Variants in THSD7B observed in about 807,000 individuals in gnomAD.
THSD7B encodes the protein thrombospondin type 1 domain containing 7B, also known as thrombospondin type-1 domain-containing protein 7B.
A neutral mutation model predicts 213.6 loss-of-function variants in THSD7B; 138 were observed. The observed-to-expected ratio is 0.65, with a 90% CI of 0.56 to 0.74. The LOEUF (loss-of-function observed/expected upper bound fraction) is 0.74, where lower values mean the gene tolerates loss of function less well. Among genes scored for constraint, THSD7B ranks in the 30% least tolerant of loss-of-function variants. The pLI, the probability that THSD7B is intolerant of heterozygous loss-of-function variation, is 0.00. For synonymous variants in THSD7B, 742 were observed against 687.0 expected, an observed-to-expected ratio of 1.08 and a Z score of -1.25; for missense variants, 1,931 against 1,991.5, an observed-to-expected ratio of 0.97 and a Z score of 0.58.
Position 137,126,769 on chromosome 2 carries a change from A to G in THSD7B, c.1369+11476A>G, listed in dbSNP as rs546705899. ...CAACAAGCCTTCCTTTCTAAGCTTA[A>G]TCATTTCTAGCTTTTGATTTAAAGT... is the stretch of plus-strand genomic sequence containing the variant. On this transcript the variant is annotated intron_variant, in intron 5 of 27. Coordinates refer to ENST00000409968, the MANE Select transcript of THSD7B (RefSeq NM_001316349.2). Among the ~76,000 whole-genome samples the G allele has an allele frequency of 4.6e-5, 7 of 152,302 alleles. No homozygotes were observed. The East Asian group carries it at 1.4e-3, about 29-fold the overall frequency.
At chr2:136,870,144 G>A (rs926819702) in intron 1 of THSD7B, among the ~76,000 whole-genome samples, 1 of 151,952 alleles carries the variant, frequency 6.6e-6, no homozygotes, top group African/African-American at 2.4e-5. Context: ...TGTGTGTTGG[G>A]TAAGATATCA....
At chr2:137,535,882 G>T (rs944462418) in intron 15 of THSD7B, among the ~76,000 whole-genome samples, 1 of 151,438 alleles carries the variant, frequency 6.6e-6, no homozygotes, top group African/African-American at 2.4e-5. Context: ...GGGGGGAACA[G>T]ACTTGGAGAC....
chr2:137,484,327 A>G (rs1179468982), intron 15 of THSD7B, among the ~76,000 whole-genome samples: 1 of 147,598 alleles, frequency 6.8e-6, no homozygotes, highest in African/African-American at 2.5e-5. Context: ...AATTTCATCC[A>G]TGTCCCTACA....
chr2:137,431,241 A>G (rs1001685398), intron 14 of THSD7B, among the ~76,000 whole-genome samples: 2 of 152,182 alleles, frequency 1.3e-5, no homozygotes, highest in Non-Finnish European at 2.9e-5. Context: ...TTTCCAGGCT[A>G]TAGGTAAATT....
At chr2:137,233,813 T>C (rs1048258166) in intron 9 of THSD7B, among the ~76,000 whole-genome samples, 2 of 152,326 alleles carry the variant, frequency 1.3e-5, no homozygotes, top group East Asian at 3.9e-4. Flanking sequence ...GATGTATGTT[T>C]TCCTAAAGTC....
At chr2:136,799,811 G>A (rs1292023918) in intron 1 of THSD7B, among the ~76,000 whole-genome samples, 2 of 151,808 alleles carry the variant, frequency 1.3e-5, no homozygotes, top group East Asian at 1.9e-4. Flanking sequence ...ATTCTTAAAC[G>A]CCCATTCTTA....
chr2:136,894,283 T>C (rs1271463648), intron 2 of THSD7B, among the ~76,000 whole-genome samples: 2 of 152,374 alleles, frequency 1.3e-5, no homozygotes, highest in East Asian at 3.9e-4. Context: ...AGAAACTGTT[T>C]TCAGCTTAAT....
intron 1 of THSD7B, among the ~76,000 whole-genome samples, chr2:136,793,541 C>T (rs1359401790): frequency 6.6e-6 from 1 of 151,854 alleles, no homozygotes. Context: ...TTTGATACAC[C>T]AAAACTCACA....
At chr2:136,985,587 C>T (rs1043750210) in intron 2 of THSD7B, among the ~76,000 whole-genome samples, 2 of 152,202 alleles carry the variant, frequency 1.3e-5, no homozygotes, top group African/African-American at 2.4e-5. Flanking sequence ...GCCCTGGTGC[C>T]CAGGCAGAAA....
chr2:137,587,493 G>A (rs572972182), intron 17 of THSD7B, among the ~76,000 whole-genome samples: 2 of 152,310 alleles, frequency 1.3e-5, no homozygotes, highest in South Asian at 2.1e-4. Context: ...TTTGATGATA[G>A]TGACGTACAG....
At chr2:137,396,472 T>C (rs1438744425) in intron 12 of THSD7B, among the ~76,000 whole-genome samples, 2 of 147,240 alleles carry the variant, frequency 1.4e-5, no homozygotes, top group African/African-American at 5.0e-5. Flanking sequence ...AGTTGAGCGG[T>C]TTTGAGTGAG....
In THSD7B at chr2:136,977,290, T is replaced by A. The variant is rs1190302566; in HGVS notation, c.140-79130T>A. ...CTTCTGTGGGGTCAGTGGTGATACATCCTTTATCATTTTTTATTGTATCTA... is the reference window on the plus strand; with the variant it reads ...CTTCTGTGGGGTCAGTGGTGATACAACCTTTATCATTTTTTATTGTATCTA... On this transcript the variant is annotated intron_variant, in intron 2 of 27. Coordinates refer to ENST00000409968, the MANE Select transcript of THSD7B (RefSeq NM_001316349.2). Among the ~76,000 whole-genome samples, 3 of 152,300 alleles carry A rather than the reference T, an allele frequency of 2.0e-5. No homozygotes were observed. In the South Asian group the frequency reaches 6.2e-4, roughly 32 times the overall value.
chr2:136,887,331 A>G (rs80342011), intron 2 of THSD7B, among the ~76,000 whole-genome samples: 4,928 of 80,136 alleles, frequency 0.061, 144 homozygotes, highest in East Asian at 0.15. Flanking sequence ...TGTGTGTGTG[A>G]CAGGCTTTTA....
chr2:136,827,118 T>C (rs1361070502), intron 1 of THSD7B, among the ~76,000 whole-genome samples: 1 of 152,200 alleles, frequency 6.6e-6, no homozygotes, highest in Non-Finnish European at 1.5e-5. Context: ...ATGGTAACCA[T>C]AGCAAAAAGA....
chr2:137,008,470 A>G (rs924281026), intron 2 of THSD7B, among the ~76,000 whole-genome samples: 3 of 152,208 alleles, frequency 2.0e-5, no homozygotes, highest in African/African-American at 7.2e-5. Flanking sequence ...CCTGTTAGGA[A>G]AATTGAATTT....
At chr2:137,283,173 G>A (rs953090174) in intron 12 of THSD7B, among the ~76,000 whole-genome samples, 12 of 152,104 alleles carry the variant, frequency 7.9e-5, no homozygotes, top group Admixed American at 1.3e-4. Flanking sequence ...AAGCAATTGT[G>A]AATGGCAGTT....
At chr2:136,791,942 T>C (rs994087459) in intron 1 of THSD7B, among the ~76,000 whole-genome samples, 1 of 152,076 alleles carries the variant, frequency 6.6e-6, no homozygotes, top group East Asian at 1.9e-4. Flanking sequence ...TGTTTAACCT[T>C]TTGAAGAATT....
At chr2:137,456,025 G>A (rs1486409345) in intron 15 of THSD7B, among the ~76,000 whole-genome samples, 1 of 152,120 alleles carries the variant, frequency 6.6e-6, no homozygotes, top group Non-Finnish European at 1.5e-5. Flanking sequence ...TTTGTATCAA[G>A]ATTAATTACC....
At chr2:137,027,982 C>T (rs922702274) in intron 2 of THSD7B, among the ~76,000 whole-genome samples, 2 of 152,108 alleles carry the variant, frequency 1.3e-5, no homozygotes, top group Non-Finnish European at 2.9e-5. Context: ...GTTCCCTGCA[C>T]ATAATAAGCA....
Sources: allele counts gnomAD v4.1 joint callset (sites outside exome capture counted in the v4.1 genomes callset), GRCh38; gene constraint gnomAD v4.1.1; transcripts MANE v1.5; gene names NCBI Gene and HGNC (gene_info 2026-07-23, HGNC 2026-07-21).